The following GABRB3 variants were observed in gnomAD, a reference collection of about 807,000 sequenced individuals.
The protein encoded by GABRB3 is gamma-aminobutyric acid type A receptor subunit beta3.
A neutral mutation model predicts 52.1 loss-of-function variants in GABRB3; 14 were observed. The observed-to-expected ratio is 0.27, with a 90% CI of 0.18 to 0.42. The LOEUF (loss-of-function observed/expected upper bound fraction) is 0.42. Among genes scored for constraint, GABRB3 ranks in the 10% least tolerant of loss-of-function variants. GABRB3 has a pLI of 1.00. For missense variants in GABRB3, 307 were observed against 609.1 expected (o/e 0.50, Z 5.22); for synonymous variants, 260 against 232.3 (o/e 1.12, Z -1.08).
At chr15:26,588,873 G>A (rs1566761557) in intron 4 of GABRB3, among the ~76,000 whole-genome samples, 1 of 152,136 alleles carries the variant, frequency 6.6e-6, no homozygotes, top group African/African-American at 2.4e-5. Context: ...GATCATTCCT[G>A]CTTTTACAAA....
rs58124364 is a variant in GABRB3, at chr15:26,766,117, G to A, written c.240+6285C>T. On this transcript the variant is annotated intron_variant, in intron 3 of 8. Transcript: ENST00000311550. ...ATAAACCGCAGAATGGTGTAAAACTGTTAGTTACCAACTCCCTAGGTCACA... is the reference window on the plus strand; with the variant it reads ...ATAAACCGCAGAATGGTGTAAAACTATTAGTTACCAACTCCCTAGGTCACA... Among the ~76,000 whole-genome samples, 303 of 152,292 alleles carry A rather than the reference G, an allele frequency of 2.0e-3. 1 individual carries two copies. The highest frequency in any genetic ancestry group is 6.4e-3 in the African/African-American group (266 of 41,564).
At chr15:26,736,224 G>A (rs1323812099) in intron 3 of GABRB3, among the ~76,000 whole-genome samples, 1 of 151,906 alleles carries the variant, frequency 6.6e-6, no homozygotes, top group Non-Finnish European at 1.5e-5. Flanking sequence ...TGGTCAAGAT[G>A]GTAAATTTTA....
intron 3 of GABRB3, among the ~76,000 whole-genome samples, chr15:26,640,313 C>G (rs1284585219): frequency 6.6e-6 from 1 of 152,056 alleles, no homozygotes. Flanking sequence ...GTCAGGAGAT[C>G]AAGACCATGG....
chr15:26,764,734 G>T (rs376841613), intron 3 of GABRB3, among the ~76,000 whole-genome samples: 1 of 152,158 alleles, frequency 6.6e-6, no homozygotes, highest in Admixed American at 6.5e-5. Flanking sequence ...CCAGAAGTAA[G>T]TTGCACCAGA....
chr15:26,576,751 G>T (rs913282557), intron 6 of GABRB3, among the ~76,000 whole-genome samples: 3 of 152,104 alleles, frequency 2.0e-5, no homozygotes, highest in Admixed American at 6.6e-5. Flanking sequence ...AAGGGGGCAG[G>T]CACTGGACAT....
chr15:26,692,906 A>G (rs747748615), intron 3 of GABRB3, among the ~76,000 whole-genome samples: 7 of 152,182 alleles, frequency 4.6e-5, no homozygotes, highest in Non-Finnish European at 8.8e-5. Context: ...TTTCTTTTCT[A>G]TTGGACAAAA....
chr15:26,563,817 G>T (rs1286665978), intron 7 of GABRB3, among the ~76,000 whole-genome samples: 3 of 152,074 alleles, frequency 2.0e-5, no homozygotes, highest in Admixed American at 1.3e-4. Context: ...CACCAGGCTT[G>T]TAAGTCTTTC....
intron 3 of GABRB3, among the ~76,000 whole-genome samples, chr15:26,681,641 C>G (rs1214496912): frequency 1.3e-5 from 2 of 152,164 alleles, no homozygotes; most frequent in Non-Finnish European, 2.9e-5. Flanking sequence ...GGCCTTGCAG[C>G]TTGGAAATGT....
At chr15:26,557,432 G>A (rs1889795893) in intron 8 of GABRB3, among the ~76,000 whole-genome samples, 1 of 152,050 alleles carries the variant, frequency 6.6e-6, no homozygotes, top group Non-Finnish European at 1.5e-5. Context: ...TAAGATGATA[G>A]TTAAAAAAAG....
intron 3 of GABRB3, among the ~76,000 whole-genome samples, chr15:26,727,152 C>T (rs954422940): frequency 6.6e-6 from 1 of 152,080 alleles, no homozygotes; most frequent in Non-Finnish European, 1.5e-5. Context: ...GAACAAGACT[C>T]GGTCTCAGGA....
chr15:26,567,032 T>C (rs992814138), intron 7 of GABRB3, among the ~76,000 whole-genome samples: 2 of 152,174 alleles, frequency 1.3e-5, no homozygotes, highest in African/African-American at 2.4e-5. Flanking sequence ...ATAATCAAAA[T>C]GCTAAAAATA....
chr15:26,687,362 T>C (rs1030048354), intron 3 of GABRB3, among the ~76,000 whole-genome samples: 1 of 152,352 alleles, frequency 6.6e-6, no homozygotes, highest in African/African-American at 2.4e-5. Flanking sequence ...TGTTCACTCA[T>C]ATAAGTAACT....
At chr15:26,554,180 A>G (rs1264135752) in intron 8 of GABRB3, among the ~76,000 whole-genome samples, 504 of 26,694 alleles carry the variant, frequency 0.019, 41 homozygotes, top group African/African-American at 0.089. Flanking sequence ...TATAAAGTAT[A>G]TATATATATA....
At chr15:26,732,314 ATGGATGGATGGATGG>A (rs1889947597) in intron 3 of GABRB3, among the ~76,000 whole-genome samples, 5 of 148,568 alleles carry the variant, frequency 3.4e-5, no homozygotes, top group African/African-American at 1.3e-4. Context: ...GGATGGATGG[ATGGATGGATGGATGG>A]ATGGATGGAC....
At chr15:26,710,935 A>G (rs1889274307) in intron 3 of GABRB3, among the ~76,000 whole-genome samples, 1 of 145,242 alleles carries the variant, frequency 6.9e-6, no homozygotes, top group African/African-American at 2.5e-5. Flanking sequence ...CTCCTGGGAG[A>G]CTGTTTTTGA....
intron 3 of GABRB3, among the ~76,000 whole-genome samples, chr15:26,707,559 G>A (rs928063168): frequency 7.2e-5 from 11 of 152,166 alleles, no homozygotes; most frequent in African/African-American, 1.2e-4. Context: ...AGAGAATATG[G>A]TCCAGGAAGA....
chr15:26,613,766 G>T (rs1892161223), intron 4 of GABRB3: 1 of 152,176 alleles, frequency 6.6e-6, no homozygotes, highest in African/African-American at 2.4e-5. Context: ...ACAAGATAAT[G>T]TCAGCTCTGG....
rs369581041 is a variant in GABRB3, at chr15:26,580,420, C to T, written c.581G>A (p.Arg194Gln). The T allele has an allele frequency of 1.9e-6, 3 of 1,614,134 alleles. No individual in the cohort carries two copies. The highest frequency in any genetic ancestry group is 2.5e-6 in the Non-Finnish European group (3 of 1,180,028). ...TCCGGTAACAGCCTTGTCCCCGCCTCGCCAGTAAAACTCAATGTCATCCGT... is the reference window on the plus strand; with the variant it reads ...TCCGGTAACAGCCTTGTCCCCGCCTTGCCAGTAAAACTCAATGTCATCCGT... ...YTTDDIEFYW[R>Q]GGDKAVTGVE... Residue 194 changes from arginine (R) to glutamine (Q), a missense_variant, in exon 6 of 9, where the codon CGA becomes CAA. Coordinates refer to ENST00000311550, the MANE Select transcript of GABRB3 (RefSeq NM_000814.6).
chr15:26,761,561 A>G (rs916487646), intron 3 of GABRB3, among the ~76,000 whole-genome samples: 4 of 152,014 alleles, frequency 2.6e-5, no homozygotes, highest in Admixed American at 6.6e-5. Context: ...TTCTCATTGT[A>G]TATAATATAA....
Sources: gnomAD v4.1 joint callset for allele counts (sites outside exome capture counted in the v4.1 genomes callset) on GRCh38, gnomAD v4.1.1 for gene constraint, MANE v1.5 for transcripts, NCBI Gene and HGNC (gene_info 2026-07-23, HGNC 2026-07-21) for gene names.